STAG2: variants seen among roughly 807,000 people sequenced by gnomAD.
STAG2 encodes cohesin subunit SA-2.
In STAG2, 14 loss-of-function variants were observed where a neutral mutation model predicts 108.1. That is an observed-to-expected ratio of 0.13 (90% CI 0.09 to 0.20). The LOEUF is 0.20. STAG2 is among the 10% of genes least tolerant of loss of function. The pLI is 1.00. For missense variants in STAG2, 440 were observed against 940.9 expected, an observed-to-expected ratio of 0.47 and a Z score of 6.96; for synonymous variants, 307 against 302.7, an observed-to-expected ratio of 1.01 and a Z score of -0.15.
At chrX:124,038,030 C>T (rs193015417) in intron 6 of STAG2, among the ~76,000 whole-genome samples, 1 of 111,415 alleles carries the variant, frequency 9.0e-6, no homozygotes, top group Non-Finnish European at 1.9e-5. Flanking sequence ...AGCAAGCAAG[C>T]AAGTAAGTAA....
At chrX:124,001,222 C>G (rs2056023117) in intron 1 of STAG2, among the ~76,000 whole-genome samples, 1 of 110,949 alleles carries the variant, frequency 9.0e-6, no homozygotes, top group Admixed American at 9.6e-5. Context: ...TCCCGAGTAG[C>G]TGGGACTACA....
At chrX:124,022,241 C>T (rs1346349878) in intron 2 of STAG2, among the ~76,000 whole-genome samples, 1 of 110,004 alleles carries the variant, frequency 9.1e-6, no homozygotes. Context: ...CATGGTGGCC[C>T]GCGCCTGTAA....
intron 1 of STAG2, among the ~76,000 whole-genome samples, chrX:124,002,004 G>A (rs779798098): frequency 3.7e-4 from 42 of 112,060 alleles, no homozygotes; most frequent in African/African-American, 1.0e-3. Context: ...CAGGAGTATC[G>A]CTTGAGGCTA....
intron 9 of STAG2, among the ~76,000 whole-genome samples, chrX:124,048,663 C>G (rs1259710516): frequency 9.0e-6 from 1 of 111,407 alleles, no homozygotes; most frequent in Non-Finnish European, 1.9e-5. Context: ...CTCCTGACCT[C>G]AAGTGATCCG....
rs56942682 is a variant in STAG2, at chrX:124,097,179, C to CAAAAAAA, written c.3783+1749_3783+1755dup. On this transcript the variant is annotated intron_variant, in intron 34 of 34. Coordinates refer to ENST00000371145, the MANE Select transcript of STAG2 (RefSeq NM_001042750.2). ...GGGTGACAGAGCCGAGACCCTGTCT[C>CAAAAAAA]AAAAAAAAAAAAAAAAAAAAAAAAA... Among the ~76,000 whole-genome samples the CAAAAAAA allele has an allele frequency of 1.0e-4, 4 of 38,192 alleles. 1 individual carries two copies. Among genetic ancestry groups the CAAAAAAA allele is most frequent in the Admixed American group, 4.7e-4 (1 of 2,139 alleles). The allele number at this position is 38,192 out of a possible 115,157, so 33.2% of individuals were successfully genotyped here.
At chrX:123,986,153 A>T (rs2055176312) in intron 1 of STAG2, among the ~76,000 whole-genome samples, 1 of 106,811 alleles carries the variant, frequency 9.4e-6, no homozygotes, top group African/African-American at 3.4e-5. Context: ...TGTATATATG[A>T]TATATATGAT....
intron 1 of STAG2, among the ~76,000 whole-genome samples, chrX:124,014,258 A>G (rs1176417965): frequency 8.9e-6 from 1 of 111,824 alleles, no homozygotes; most frequent in African/African-American, 3.3e-5. Flanking sequence ...AATAAAAGTT[A>G]TTTTTGTAAT....
At chrX:123,983,969 C>CTTTTTTTTTTT (rs1569493164) in intron 1 of STAG2, among the ~76,000 whole-genome samples, 7 of 64,615 alleles carry the variant, frequency 1.1e-4, no homozygotes, top group African/African-American at 5.2e-4. Context: ...ATTTTCTTTT[C>CTTTTTTTTTTT]TTTTCTTTTT....
At chrX:124,073,845 TAAAGAAATA>T (rs1438845091) in intron 25 of STAG2, among the ~76,000 whole-genome samples, 1 of 111,932 alleles carries the variant, frequency 8.9e-6, no homozygotes, top group African/African-American at 3.2e-5. Context: ...TTAGGTTTTT[TAAAGAAATA>T]AAAGCACAGT....
At chrX:124,031,565 TTTG>T (rs1429536975) in intron 5 of STAG2, among the ~76,000 whole-genome samples, 9 of 105,515 alleles carry the variant, frequency 8.5e-5, no homozygotes, top group Non-Finnish European at 1.7e-4. Context: ...TTTTTGTTTT[TTTG>T]TTTTTTTGTT....
At chrX:124,071,100 G>A (rs750766781) in intron 24 of STAG2, 49 bp from the exon 25 acceptor site, 5 of 975,064 alleles carry the variant, frequency 5.1e-6, no homozygotes, top group Non-Finnish European at 6.6e-6. Context: ...CAGTTAGTGA[G>A]AAACCTTGGA....
At chrX:124,100,296 T>C (rs1469912307) in intron 34 of STAG2, among the ~76,000 whole-genome samples, 2 of 111,538 alleles carry the variant, frequency 1.8e-5, no homozygotes, top group Non-Finnish European at 3.8e-5. Flanking sequence ...TAGGGTATTA[T>C]CTAGACATTA....
chrX:124,028,001 G>A (rs2057165011), intron 4 of STAG2, among the ~76,000 whole-genome samples: 1 of 110,425 alleles, frequency 9.1e-6, no homozygotes, highest in Admixed American at 9.6e-5. Flanking sequence ...ATACTGACAG[G>A]GACTATTGAG....
chrX:124,013,089 G>T (rs1469933495), intron 1 of STAG2, among the ~76,000 whole-genome samples: 2 of 111,144 alleles, frequency 1.8e-5, no homozygotes, highest in Non-Finnish European at 3.8e-5. Context: ...AATATATTGT[G>T]CTTATATCAT....
chrX:124,030,885 G>A lies in STAG2; in HGVS notation c.124-76G>A, dbSNP rs774990868. ...TTTAAGCATGTTATGTACCCTATCA[G>A]CTACTTCTACTGTAGCTGTGTTTTG... On this transcript the variant is annotated intron_variant, in intron 4 of 34. Transcript: ENST00000371145. 7.7e-6 allele frequency: 8 copies of A among 1,042,950 alleles called. No homozygotes were observed. In the African/African-American group the frequency reaches 1.2e-4, roughly 15 times the overall value. 86.0% of individuals were successfully genotyped at this position (1,042,950 alleles called of 1,213,427 possible). A position where few individuals can be genotyped will look rare whatever the true frequency, so the allele number is the denominator to read the frequency against.
At chrX:124,035,018 T>A (rs950438267) in intron 5 of STAG2, among the ~76,000 whole-genome samples, 1 of 109,819 alleles carries the variant, frequency 9.1e-6, no homozygotes, top group Non-Finnish European at 1.9e-5. Context: ...TGCCTCAGCC[T>A]CCCAAGTAGC....
chrX:124,084,960 T>A (rs1007077881), intron 29 of STAG2, among the ~76,000 whole-genome samples: 2 of 111,510 alleles, frequency 1.8e-5, no homozygotes, highest in African/African-American at 6.5e-5. Flanking sequence ...ATCCAGTAAT[T>A]TCATTCATAA....
At chrX:124,051,559 A>G (rs2058038517) in intron 13 of STAG2, among the ~76,000 whole-genome samples, 165 bp downstream of exon 13, 1 of 111,268 alleles carries the variant, frequency 9.0e-6, no homozygotes, top group African/African-American at 3.3e-5. Context: ...AAACACAGGA[A>G]GAAGGAACCA....
At chrX:124,072,605 A>G (rs1037158662) in intron 25 of STAG2, among the ~76,000 whole-genome samples, 1 of 110,782 alleles carries the variant, frequency 9.0e-6, no homozygotes. Context: ...ACTAGATGGT[A>G]TGGATATGAA....
Sources: gnomAD v4.1 joint callset for allele counts (sites outside exome capture counted in the v4.1 genomes callset) on GRCh38, gnomAD v4.1.1 for gene constraint, MANE v1.5 for transcripts, NCBI Gene and HGNC (gene_info 2026-07-23, HGNC 2026-07-21) for gene names.